The following CCKBR variants were observed in gnomAD, a reference collection of about 807,000 sequenced individuals.
The protein encoded by CCKBR is cholecystokinin B receptor.
Under a neutral mutation model 34.6 loss-of-function variants are expected in CCKBR, and 33 were observed. The observed-to-expected ratio is 0.95, with a 90% CI of 0.72 to 1.27. The LOEUF is 1.27. Ranked by LOEUF, CCKBR falls within the 50% of genes most tolerant of loss-of-function variation. CCKBR has a pLI of 0.00. For missense variants in CCKBR, 652 were observed against 617.4 expected, an observed-to-expected ratio of 1.06 and a Z score of -0.59; for synonymous variants, 269 against 267.5, an observed-to-expected ratio of 1.01 and a Z score of -0.06.
intron 1 of CCKBR, among the ~76,000 whole-genome samples, chr11:6,267,238 C>T (rs1482499351): frequency 1.3e-5 from 2 of 152,104 alleles, no homozygotes; most frequent in Non-Finnish European, 2.9e-5. Flanking sequence ...ACTTTATAAA[C>T]TTTTTGACTC....
Position 6,271,468 on chromosome 11 carries a change from G to C in CCKBR, c.1269G>C (p.Glu423Asp), listed in dbSNP as rs199904879. 9 of 1,612,974 alleles carry C rather than the reference G, an allele frequency of 5.6e-6. No individual in the cohort carries two copies. The highest frequency in any genetic ancestry group is 7.6e-6 in the Non-Finnish European group (9 of 1,179,986). The change falls in exon 5 of 5, where the codon GAG becomes GAC. Residue 423 changes from glutamate (E) to aspartate (D), a missense_variant. Coordinates refer to ENST00000334619, the MANE Select transcript of CCKBR (RefSeq NM_176875.4). ...PRARPRALPDEDPPTPSIASL... is the reference protein window; with the variant it reads ...PRARPRALPDDDPPTPSIASL... ...CTCGCCCCAGGGCTCTTCCCGATGAGGACCCTCCCACTCCCTCCATTGCTT... is the reference window on the plus strand; with the variant it reads ...CTCGCCCCAGGGCTCTTCCCGATGACGACCCTCCCACTCCCTCCATTGCTT...
chr11:6,261,453 A>AT lies in CCKBR; in HGVS notation c.151+1374_151+1375insT, dbSNP rs1433626541. 7.5e-3 allele frequency among the ~76,000 whole-genome samples: 409 copies of AT among 54,872 alleles called. 20 individuals are homozygous for AT. Among genetic ancestry groups the AT allele is most frequent in the South Asian group, 0.013 (18 of 1,354 alleles). The allele number at this position is 54,872 out of a possible 152,430, so 36.0% of individuals were successfully genotyped here. A position where few individuals can be genotyped will look rare whatever the true frequency, so the allele number is the denominator to read the frequency against. ...TGTTGGCAAAAAAAAAAAAAAAAAAAAATATATATACACACACACACACAC... is the reference window on the plus strand; with the variant it reads ...TGTTGGCAAAAAAAAAAAAAAAAAAATAATATATATACACACACACACACAC... On this transcript the variant is annotated intron_variant, in intron 1 of 4. Coordinates refer to ENST00000334619, the MANE Select transcript of CCKBR (RefSeq NM_176875.4).
intron 1 of CCKBR, 91 bp from the exon 2 acceptor site, chr11:6,269,578 G>T: frequency 6.9e-7 from 1 of 1,442,568 alleles, no homozygotes; most frequent in East Asian, 2.3e-5. Flanking sequence ...CATCTGGCTG[G>T]GTAGTGAGGG....
In CCKBR at chr11:6,271,558, G is replaced by A. The variant is rs772116954; in HGVS notation, c.*15G>A. 9.6e-6 allele frequency: 15 copies of A among 1,565,742 alleles called. No individual in the cohort carries two copies. In the African/African-American group the frequency reaches 1.8e-4, roughly 18 times the overall value. Reference sequence around the variant, plus strand: ...GCCCTGGCTGAGGAGTAGAGGGGCCGTGGGGGTTGAGGCAGGGCAAATGAC... The same window carrying A: ...GCCCTGGCTGAGGAGTAGAGGGGCCATGGGGGTTGAGGCAGGGCAAATGAC... On this transcript the variant is annotated 3_prime_UTR_variant, in exon 5 of 5. Coordinates refer to ENST00000334619, the MANE Select transcript of CCKBR (RefSeq NM_176875.4).
chr11:6,269,662 T>G lies in CCKBR; in HGVS notation c.152-7T>G. The stretch of plus-strand genomic sequence containing the variant: ...CCCTACTGCCACCTCTCCCTTTTCT[T>G]ACCCAGAATTGGAGCTGGCCATTAG... On this transcript the variant is annotated splice_polypyrimidine_tract_variant and splice_region_variant and intron_variant, in intron 1 of 4. Coordinates refer to ENST00000334619, the MANE Select transcript of CCKBR (RefSeq NM_176875.4). The G allele has an allele frequency of 6.2e-7, 1 of 1,611,602 alleles. No homozygotes were observed.
At chr11:6,270,579 T>C in intron 3 of CCKBR, 67 bp from the exon 4 acceptor site, 1 of 1,516,566 alleles carries the variant, frequency 6.6e-7, no homozygotes, top group Non-Finnish European at 8.9e-7. Flanking sequence ...CACTAGTCCT[T>C]GGCTTTTTCT....
intron 1 of CCKBR, chr11:6,264,520 G>T (rs568826165): frequency 4.3e-6 from 3 of 700,540 alleles, no homozygotes; most frequent in East Asian, 5.4e-5. Context: ...GAACTGAACT[G>T]TCCCAATCTT....
In CCKBR at chr11:6,271,440, G is replaced by A; in HGVS notation, c.1241G>A (p.Arg414Gln). The change falls in exon 5 of 5, where the codon CGA (arginine) becomes CAA (glutamine). Residue 414 changes from arginine to glutamine, a missense_variant. By Grantham distance (43) the Arg-to-Gln change is conservative. Transcript: ENST00000334619. ...GCTCGCTGCTGCCCCCGGCCTCCAC[G>A]AGCTCGCCCCAGGGCTCTTCCCGAT... ...TCARCCPRPP[R>Q]ARPRALPDED... 2 of 1,613,522 alleles carry A rather than the reference G, an allele frequency of 1.2e-6. No homozygotes were observed. The highest frequency in any genetic ancestry group is 1.7e-6 in the Non-Finnish European group (2 of 1,180,026).
In CCKBR at chr11:6,269,734, A is replaced by G. The variant is rs2133903622; in HGVS notation, c.217A>G (p.Met73Val). ...CTTCCTGATGAGCGTTGGAGGAAATATGCTCATCATCGTGGTCCTGGGACT... is the reference window on the plus strand; with the variant it reads ...CTTCCTGATGAGCGTTGGAGGAAATGTGCTCATCATCGTGGTCCTGGGACT... ...VIFLMSVGGN[M>V]LIIVVLGLSR... is the part of the protein sequence containing the mutation. Residue 73 changes from methionine (M) to valine (V), a missense_variant, in exon 2 of 5, where the codon ATG becomes GTG. Transcript: ENST00000334619. 1 of 1,614,134 alleles carries G rather than the reference A, an allele frequency of 6.2e-7. No homozygotes were observed. Among genetic ancestry groups the G allele is most frequent in the East Asian group, 2.2e-5 (1 of 44,868 alleles).
chr11:6,261,215 C>A (rs550174653), intron 1 of CCKBR, among the ~76,000 whole-genome samples: 13 of 151,948 alleles, frequency 8.6e-5, no homozygotes, highest in African/African-American at 3.1e-4. Flanking sequence ...AAAACCGACA[C>A]AATTCCTACT....
chr11:6,269,810 T>A lies in CCKBR; in HGVS notation c.293T>A (p.Val98Asp), dbSNP rs763043721. The A allele has an allele frequency of 6.2e-7, 1 of 1,614,172 alleles. No individual in the cohort carries two copies. Among genetic ancestry groups the A allele is most frequent in the Non-Finnish European group, 8.5e-7 (1 of 1,180,026 alleles). ...VTNAFLLSLA[V>D]SDLLLAVACM... ...AATGCCTTCCTCCTCTCACTGGCAG[T>A]CAGCGACCTCCTGCTGGCTGTGGCT... The change falls in exon 2 of 5, where the codon GTC (valine) becomes GAC (aspartate). Residue 98 changes from valine to aspartate, a missense_variant. Coordinates refer to ENST00000334619, the MANE Select transcript of CCKBR (RefSeq NM_176875.4).
intron 1 of CCKBR, among the ~76,000 whole-genome samples, chr11:6,261,452 A>T (rs774650343): frequency 0.072 from 3,379 of 46,630 alleles, 290 homozygotes; most frequent in East Asian, 0.17. Flanking sequence ...AAAAAAAAAA[A>T]AAATATATAT....
intron 1 of CCKBR, among the ~76,000 whole-genome samples, chr11:6,267,780 C>A (rs978954605): frequency 1.3e-5 from 2 of 152,122 alleles, no homozygotes; most frequent in African/African-American, 4.8e-5. Context: ...CATTATGCTG[C>A]AATGTTACAA....
In CCKBR at chr11:6,271,292, C is replaced by T. The variant is rs778076555; in HGVS notation, c.1093C>T (p.Arg365Ter). ...CGCCTTTGATGGCCCGGGTGCACACCGAGCACTCTCGGGTGCTCCTATCTC... is the reference window on the plus strand; with the variant it reads ...CGCCTTTGATGGCCCGGGTGCACACTGAGCACTCTCGGGTGCTCCTATCTC... Reference protein sequence around the residue: ...WRAFDGPGAHRALSGAPISFI... With the variant: ...WRAFDGPGAH The change falls in exon 5 of 5, where the codon CGA becomes TGA. Residue 365 changes from arginine to a stop codon, truncating the protein, a stop_gained. Transcript: ENST00000334619. LOFTEE classifies it high-confidence loss of function. 3.1e-6 allele frequency: 5 copies of T among 1,614,092 alleles called. No individual in the cohort carries two copies. In the Admixed American group the frequency reaches 6.7e-5, roughly 22 times the overall value.
Position 6,270,991 on chromosome 11 carries a change from C to T in CCKBR, c.812-20C>T, listed in dbSNP as rs200060380. On this transcript the variant is annotated intron_variant, in intron 4 of 4. Coordinates refer to ENST00000334619, the MANE Select transcript of CCKBR (RefSeq NM_176875.4). ...GGGGGGACTCGCCTTTTTCTCTGAC[C>T]GCCCACCCTTTGTGCTCAGGGGCTG... 2.0e-5 allele frequency: 32 copies of T among 1,613,358 alleles called. No individual in the cohort carries two copies. The highest frequency in any genetic ancestry group is 2.5e-5 in the Non-Finnish European group (30 of 1,179,560).
chr11:6,267,052 C>T (rs2947029), intron 1 of CCKBR, among the ~76,000 whole-genome samples: 78,234 of 151,968 alleles, frequency 0.51, 20,796 homozygotes, highest in East Asian at 0.78. Flanking sequence ...GGGCACGTAC[C>T]GTTAATGGAA....
chr11:6,270,360 C>G lies in CCKBR; in HGVS notation c.653+23C>G, dbSNP rs553388526. ...CTGGTGAGCTTGCCCATAAACTATC[C>G]TAGGAATTCCTTTCTCACCCCTATT... On this transcript the variant is annotated intron_variant, in intron 3 of 4. Coordinates refer to ENST00000334619, the MANE Select transcript of CCKBR (RefSeq NM_176875.4). The G allele has an allele frequency of 5.0e-6, 8 of 1,599,118 alleles. No homozygotes were observed. In the East Asian group the frequency reaches 1.8e-4, roughly 36 times the overall value.
At chr11:6,264,616 G>A (rs1366455640) in intron 1 of CCKBR, 1 of 691,282 alleles carries the variant, frequency 1.4e-6, no homozygotes, top group Non-Finnish European at 2.6e-6. Context: ...CAAGGCACTT[G>A]TGGATGTACC....
chr11:6,262,231 A>G (rs903936816), intron 1 of CCKBR, among the ~76,000 whole-genome samples: 1 of 152,214 alleles, frequency 6.6e-6, no homozygotes, highest in African/African-American at 2.4e-5. Context: ...GTGGAAATAC[A>G]GACTTGAAGA....
Sources: allele counts gnomAD v4.1 joint callset (sites outside exome capture counted in the v4.1 genomes callset), GRCh38; gene constraint gnomAD v4.1.1; transcripts MANE v1.5; gene names NCBI Gene and HGNC (gene_info 2026-07-23, HGNC 2026-07-21).